The following SKAP2 variants were observed in gnomAD, a reference collection of about 807,000 sequenced individuals.
SKAP2 encodes src kinase associated phosphoprotein 2, also known as src kinase-associated phosphoprotein 2.
Under a neutral mutation model 54.9 loss-of-function variants are expected in SKAP2, and 28 were observed. The ratio of observed to expected loss-of-function variants is 0.51; its 90% confidence interval spans 0.38 to 0.70. The LOEUF (loss-of-function observed/expected upper bound fraction) is 0.70, where lower values mean the gene tolerates loss of function less well. Among genes scored for constraint, SKAP2 ranks in the 30% least tolerant of loss-of-function variants. The pLI is 0.00. For missense variants in SKAP2, 356 were observed against 424.1 expected, an observed-to-expected ratio of 0.84 and a Z score of 1.41; for synonymous variants, 137 against 134.3, an observed-to-expected ratio of 1.02 and a Z score of -0.14.
Position 26,752,964 on chromosome 7 carries a change from T to C in SKAP2, c.308-13000A>G, listed in dbSNP as rs80059269. 2.2e-3 allele frequency among the ~76,000 whole-genome samples: 328 copies of C among 152,304 alleles called. 1 individual carries two copies. The highest frequency in any genetic ancestry group is 3.4e-3 in the Middle Eastern group (1 of 294). ...ACTCTTCAGTATGAACTGGTAATCATATGTACACCTGGGTAACTGAAAGGA... is the reference window on the plus strand; with the variant it reads ...ACTCTTCAGTATGAACTGGTAATCACATGTACACCTGGGTAACTGAAAGGA... On this transcript the variant is annotated intron_variant, in intron 4 of 12. Coordinates refer to ENST00000345317, the MANE Select transcript of SKAP2 (RefSeq NM_003930.5).
chr7:26,864,055 T>TCACACACACA (rs35995014), intron 1 of SKAP2, among the ~76,000 whole-genome samples: 3,446 of 143,364 alleles, frequency 0.024, 56 homozygotes, highest in African/African-American at 0.035. Context: ...CGCCCTTCTG[T>TCACACACACA]CACACACACA....
chr7:26,723,015 T>C (rs1466899843), intron 9 of SKAP2, among the ~76,000 whole-genome samples: 4 of 152,176 alleles, frequency 2.6e-5, no homozygotes, highest in African/African-American at 4.8e-5. Context: ...ACATAGTTCT[T>C]TGCACAGAAC....
chr7:26,787,847 G>C (rs1485495486), intron 4 of SKAP2, among the ~76,000 whole-genome samples: 1 of 152,018 alleles, frequency 6.6e-6, no homozygotes, highest in Non-Finnish European at 1.5e-5. Flanking sequence ...CTAACAGCGG[G>C]GATTACATTT....
At chr7:26,772,917 A>G (rs1159282054) in intron 4 of SKAP2, among the ~76,000 whole-genome samples, 1 of 152,252 alleles carries the variant, frequency 6.6e-6, no homozygotes, top group East Asian at 1.9e-4. Flanking sequence ...TTACATTCTT[A>G]CAATAAGGCT....
At chr7:26,665,248 G>A (rs532928272), downstream of SKAP2, among the ~76,000 whole-genome samples, 23 of 152,284 alleles carry the variant, frequency 1.5e-4, no homozygotes, top group African/African-American at 5.3e-4. Flanking sequence ...CAAGCTGCCC[G>A]AGGAGGCACC....
chr7:26,775,530 CGTGTGTGTGTGTGTGTGTGTGT>C (rs59902431), intron 4 of SKAP2, among the ~76,000 whole-genome samples: 2 of 146,208 alleles, frequency 1.4e-5, no homozygotes, highest in African/African-American at 2.5e-5. Context: ...TTTACTTGTA[CGTGTGTGTGTGTGTGTGTGTGT>C]GTGTGTGTGT....
chr7:26,747,013 T>A (rs922868684), intron 4 of SKAP2, among the ~76,000 whole-genome samples: 1 of 152,164 alleles, frequency 6.6e-6, no homozygotes, highest in Non-Finnish European at 1.5e-5. Context: ...CTTCCCTCCA[T>A]GTGGGAAATT....
At chr7:26,841,189 TC>T (rs1784809857) in intron 4 of SKAP2, among the ~76,000 whole-genome samples, 2 of 152,192 alleles carry the variant, frequency 1.3e-5, no homozygotes, top group East Asian at 1.9e-4. Context: ...GCTACTCTAG[TC>T]TCTCATTGAA....
chr7:26,725,793 T>G, intron 8 of SKAP2, 130 bp downstream of exon 8: 1 of 843,102 alleles, frequency 1.2e-6, no homozygotes, highest in Non-Finnish European at 1.9e-6. Context: ...GAGTGGTCTG[T>G]ATTAATAACA....
intron 6 of SKAP2, among the ~76,000 whole-genome samples, chr7:26,738,240 A>G (rs553830033): frequency 6.6e-6 from 1 of 152,338 alleles, no homozygotes; most frequent in South Asian, 2.1e-4. Flanking sequence ...GGTGCTAATA[A>G]TAGTACTTAC....
intron 4 of SKAP2, among the ~76,000 whole-genome samples, chr7:26,751,644 C>T (rs1782684299): frequency 6.6e-6 from 1 of 152,086 alleles, no homozygotes; most frequent in South Asian, 2.1e-4. Flanking sequence ...ATCTTTCTCC[C>T]CTCTCTCTTA....
rs150416174 is a variant in SKAP2 at position 26,768,281 on chromosome 7, C to CTTT, written c.308-28320_308-28318dup. Among the ~76,000 whole-genome samples, 127 of 140,142 alleles carry CTTT rather than the reference C, an allele frequency of 9.1e-4. 1 individual carries two copies. Among genetic ancestry groups the CTTT allele is most frequent in the African/African-American group, 3.3e-3 (124 of 37,720 alleles). The allele number at this position is 140,142 out of a possible 152,430, so 91.9% of individuals were successfully genotyped here. ...TCAGAGACTAAGATTGCAACCCCTG[C>CTTT]TTTTTTTTTTTTTTGCTTTCCATTT... On this transcript the variant is annotated intron_variant, in intron 4 of 12. Coordinates refer to ENST00000345317, the MANE Select transcript of SKAP2 (RefSeq NM_003930.5).
intron 10 of SKAP2, among the ~76,000 whole-genome samples, chr7:26,688,482 C>T (rs1259442331): frequency 1.3e-5 from 2 of 152,118 alleles, no homozygotes; most frequent in African/African-American, 4.8e-5. Flanking sequence ...TCATGTGATG[C>T]TCAGCAAGAT....
At position 26,729,098 on chromosome 7, in the gene SKAP2, A is replaced by T. The variant is rs111893862; in HGVS notation, c.470-2092T>A. 4.9e-4 allele frequency among the ~76,000 whole-genome samples: 74 copies of T among 152,248 alleles called. 1 individual carries two copies. Among genetic ancestry groups the T allele is most frequent in the African/African-American group, 1.8e-3 (73 of 41,558 alleles). ...TATCTAATAATCTAGAAATAAGACA[A>T]TTAGGCAGCAAAATTAGGCAACCCC... On this transcript the variant is annotated intron_variant, in intron 6 of 12. Coordinates refer to ENST00000345317, the MANE Select transcript of SKAP2 (RefSeq NM_003930.5).
At chr7:26,750,214 T>C (rs1782652026) in intron 4 of SKAP2, among the ~76,000 whole-genome samples, 1 of 152,092 alleles carries the variant, frequency 6.6e-6, no homozygotes, top group African/African-American at 2.4e-5. Flanking sequence ...GCAATTACCA[T>C]TATTTAAGGT....
chr7:26,852,640 T>C (rs1412518445), intron 3 of SKAP2, among the ~76,000 whole-genome samples: 1 of 152,142 alleles, frequency 6.6e-6, no homozygotes, highest in African/African-American at 2.4e-5. Context: ...AAAGAATGTA[T>C]CTCAGTAATG....
chr7:26,672,631 C>A (rs1786267645), intron 11 of SKAP2, among the ~76,000 whole-genome samples: 1 of 151,858 alleles, frequency 6.6e-6, no homozygotes, highest in African/African-American at 2.4e-5. Flanking sequence ...TAAAGAATTG[C>A]AAATTATATT....
chr7:26,781,204 C>T (rs866832170), intron 4 of SKAP2, among the ~76,000 whole-genome samples: 2 of 152,092 alleles, frequency 1.3e-5, no homozygotes, highest in African/African-American at 2.4e-5. Context: ...AAATGTGACC[C>T]TCTTACACTA....
intron 4 of SKAP2, among the ~76,000 whole-genome samples, chr7:26,785,734 T>C (rs926253416): frequency 4.6e-5 from 7 of 152,172 alleles, no homozygotes; most frequent in African/African-American, 1.7e-4. Flanking sequence ...ATTTCTTTTT[T>C]CCCTACCCTG....
Sources: gnomAD v4.1 joint callset for allele counts (sites outside exome capture counted in the v4.1 genomes callset) on GRCh38, gnomAD v4.1.1 for gene constraint, MANE v1.5 for transcripts, NCBI Gene and HGNC (gene_info 2026-07-23, HGNC 2026-07-21) for gene names.